FAM13C: variants seen among roughly 807,000 people sequenced by gnomAD.
FAM13C encodes the protein protein FAM13C.
A neutral mutation model predicts 73.2 loss-of-function variants in FAM13C; 37 were observed. That is an observed-to-expected ratio of 0.51 (90% CI 0.39 to 0.67). FAM13C has a LOEUF of 0.67. Ranked by LOEUF, FAM13C falls within the 30% of genes least tolerant of loss-of-function variation. FAM13C has a pLI of 0.00. For missense variants in FAM13C, 589 were observed against 715.6 expected, an observed-to-expected ratio of 0.82 and a Z score of 2.02; for synonymous variants, 246 against 260.9, an observed-to-expected ratio of 0.94 and a Z score of 0.55.
In FAM13C at chr10:59,262,474, T is replaced by G. The variant is rs1324092984; in HGVS notation, c.1196A>C (p.Lys399Thr). 5 of 1,613,772 alleles carry G rather than the reference T, an allele frequency of 3.1e-6. No individual in the cohort carries two copies. The highest frequency in any genetic ancestry group is 4.2e-6 in the Non-Finnish European group (5 of 1,179,760). The change falls in exon 10 of 14, where the codon AAG becomes ACG. Residue 399 changes from lysine to threonine, a missense_variant. Transcript: ENST00000618804. ...GGGAGGAAGTTGCTCTCTTCTCTCCTTCAGGCATGTCAAGGCAGCATCTGG... is the reference window on the plus strand; with the variant it reads ...GGGAGGAAGTTGCTCTCTTCTCTCCGTCAGGCATGTCAAGGCAGCATCTGG... ...ETPDAALTCL[K>T]ERREQLPPQE...
intron 6 of FAM13C, among the ~76,000 whole-genome samples, chr10:59,275,675 G>T (rs925519818): frequency 2.0e-5 from 3 of 152,056 alleles, no homozygotes; most frequent in African/African-American, 7.2e-5. Flanking sequence ...TAAAAGCCCG[G>T]GCTCTGGAGT....
chr10:59,352,416 G>C lies in FAM13C; in HGVS notation c.178C>G (p.Pro60Ala). 6.2e-7 allele frequency: 1 copy of C among 1,613,842 alleles called. No individual in the cohort carries two copies. The highest frequency in any genetic ancestry group is 2.2e-5 in the East Asian group (1 of 44,878). ...DAGALVEEHAPPSWEPQQQNV... is the reference protein window; with the variant it reads ...DAGALVEEHAAPSWEPQQQNV... ...TGCTGCTGCGGCTCCCAAGAGGGCG[G>C]CGCGTGCTCTTCTACCAGAGCCCCT... is the stretch of plus-strand genomic sequence containing the variant. The change falls in exon 3 of 14, where the codon CCG (proline) becomes GCG (alanine). Residue 60 changes from proline (P) to alanine (A), a missense_variant. Pro to Ala is a conservative substitution (Grantham distance 27, BLOSUM62 -1). Coordinates refer to ENST00000618804, the MANE Select transcript of FAM13C (RefSeq NM_198215.4).
chr10:59,247,112 G>A lies in FAM13C; in HGVS notation c.*502C>T, dbSNP rs927137317. 2 of 156,222 alleles carry A rather than the reference G, an allele frequency of 1.3e-5. No homozygotes were observed. The highest frequency in any genetic ancestry group is 1.3e-4 in the Admixed American group (2 of 15,340). 9.7% of individuals were successfully genotyped at this position (156,222 alleles called of 1,614,324 possible). ...CCTAGCAGACTTAAAGGACAAGGTA[G>A]TAAATGTTTTATCACTCAAAAATCC... is the stretch of plus-strand genomic sequence containing the variant. On this transcript the variant is annotated 3_prime_UTR_variant, in exon 14 of 14. Coordinates refer to ENST00000618804, the MANE Select transcript of FAM13C (RefSeq NM_198215.4).
At chr10:59,288,994 G>A (rs764409441) in intron 5 of FAM13C, among the ~76,000 whole-genome samples, 8 of 152,016 alleles carry the variant, frequency 5.3e-5, no homozygotes, top group Non-Finnish European at 1.2e-4. Context: ...ATTTGTCTAT[G>A]AGTAATCTAC....
intron 3 of FAM13C, among the ~76,000 whole-genome samples, chr10:59,329,341 GGTTTTTTTTTTTTTTTTTT>G (rs1275967594): frequency 9.7e-5 from 7 of 72,432 alleles, no homozygotes; most frequent in African/African-American, 2.2e-4. Context: ...CTTTCTTTCT[GGTTTTTTTTTTTTTTTTTT>G]TTTTTTTTTT....
chr10:59,341,521 C>G (rs10826277), intron 3 of FAM13C, among the ~76,000 whole-genome samples: 106,864 of 151,838 alleles, frequency 0.7, 38,221 homozygotes, highest in East Asian at 0.83. Context: ...AACCCCGTCT[C>G]TACTGAAAAT....
chr10:59,328,642 A>G (rs1365334283), intron 3 of FAM13C, among the ~76,000 whole-genome samples: 2 of 152,174 alleles, frequency 1.3e-5, no homozygotes, highest in Non-Finnish European at 2.9e-5. Context: ...GATGTGGTCA[A>G]TCAAAACATC....
At chr10:59,259,156 A>G (rs558887429) in intron 10 of FAM13C, among the ~76,000 whole-genome samples, 1 of 152,214 alleles carries the variant, frequency 6.6e-6, no homozygotes, top group African/African-American at 2.4e-5. Context: ...AAAATCATCC[A>G]TAGATAAAAC....
intron 12 of FAM13C, among the ~76,000 whole-genome samples, chr10:59,252,057 A>G (rs1352103944): frequency 6.6e-6 from 1 of 152,178 alleles, no homozygotes; most frequent in Non-Finnish European, 1.5e-5. Flanking sequence ...CTTTTAAAGA[A>G]AATTCTATTC....
chr10:59,303,330 C>A (rs1481664005), intron 4 of FAM13C, among the ~76,000 whole-genome samples: 1 of 152,188 alleles, frequency 6.6e-6, no homozygotes, highest in African/African-American at 2.4e-5. Flanking sequence ...CAGTCCTGTA[C>A]ATTTTCTTCT....
intron 4 of FAM13C, among the ~76,000 whole-genome samples, chr10:59,310,451 A>G (rs371791835): frequency 6.6e-6 from 1 of 152,224 alleles, no homozygotes; most frequent in African/African-American, 2.4e-5. Context: ...ATACCAGTAA[A>G]TAGAAAGTTC....
At chr10:59,311,079 C>T (rs909058483) in intron 4 of FAM13C, among the ~76,000 whole-genome samples, 11 of 152,184 alleles carry the variant, frequency 7.2e-5, no homozygotes, top group African/African-American at 2.7e-4. Flanking sequence ...GAGAGAAAGG[C>T]TGTGCCCCTC....
intron 9 of FAM13C, among the ~76,000 whole-genome samples, chr10:59,262,852 G>A (rs982420557): frequency 1.3e-5 from 2 of 152,156 alleles, no homozygotes; most frequent in African/African-American, 4.8e-5. Flanking sequence ...TAGAGGCTAG[G>A]ATCTCATGGA....
At chr10:59,248,713 A>T (rs1170141267) in intron 13 of FAM13C, among the ~76,000 whole-genome samples, 1 of 152,202 alleles carries the variant, frequency 6.6e-6, no homozygotes, top group Non-Finnish European at 1.5e-5. Flanking sequence ...GCATATATTT[A>T]ATGTTTTATC....
At chr10:59,324,543 T>C (rs191537675) in intron 3 of FAM13C, among the ~76,000 whole-genome samples, 2 of 151,944 alleles carry the variant, frequency 1.3e-5, no homozygotes, top group Admixed American at 6.6e-5. Flanking sequence ...ACACATGAGA[T>C]TGGAATAAGT....
intron 12 of FAM13C, 138 bp downstream of exon 12, chr10:59,252,661 G>A: frequency 1.4e-6 from 1 of 726,092 alleles, no homozygotes; most frequent in Non-Finnish European, 2.3e-6. Flanking sequence ...CTAAATGTAA[G>A]AGACTAGGAT....
At chr10:59,293,220 C>CCCA (rs996960152) in intron 5 of FAM13C, among the ~76,000 whole-genome samples, 1 of 150,732 alleles carries the variant, frequency 6.6e-6, no homozygotes, top group Non-Finnish European at 1.5e-5. Context: ...ACTACAGGCG[C>CCCA]CCACCACCAT....
intron 4 of FAM13C, among the ~76,000 whole-genome samples, chr10:59,320,775 A>G (rs1439077812): frequency 6.6e-6 from 1 of 152,242 alleles, no homozygotes; most frequent in Non-Finnish European, 1.5e-5. Flanking sequence ...CTTTGGCCAC[A>G]ACTTGGTAAT....
intron 5 of FAM13C, among the ~76,000 whole-genome samples, chr10:59,285,386 C>G (rs1845436724): frequency 7.1e-6 from 1 of 140,496 alleles, no homozygotes; most frequent in Non-Finnish European, 1.5e-5. Flanking sequence ...AAACAAGCAG[C>G]TGGGAGGCAA....
Sources: allele counts gnomAD v4.1 joint callset (sites outside exome capture counted in the v4.1 genomes callset), GRCh38; gene constraint gnomAD v4.1.1; transcripts MANE v1.5; gene names NCBI Gene and HGNC (gene_info 2026-07-23, HGNC 2026-07-21).